LHFPL4: variants seen among roughly 807,000 people sequenced by gnomAD.
LHFPL4 encodes the protein LHFPL tetraspan subfamily member 4 protein.
A neutral mutation model predicts 20.0 loss-of-function variants in LHFPL4; 6 were observed. The observed-to-expected ratio is 0.30, with a 90% CI of 0.16 to 0.59. The LOEUF (loss-of-function observed/expected upper bound fraction) is 0.59, where lower values mean the gene tolerates loss of function less well. Ranked by LOEUF, LHFPL4 falls within the 20% of genes least tolerant of loss-of-function variation. The pLI, the probability that LHFPL4 is intolerant of heterozygous loss-of-function variation, is 0.88. For synonymous variants in LHFPL4, 129 were observed against 143.8 expected, an observed-to-expected ratio of 0.90 and a Z score of 0.74; for missense variants, 215 against 331.2, an observed-to-expected ratio of 0.65 and a Z score of 2.72.
chr3:9,532,643 T>G (rs2259100), intron 2 of LHFPL4, among the ~76,000 whole-genome samples: 81,611 of 152,116 alleles, frequency 0.54, 22,437 homozygotes, highest in African/African-American at 0.66. Flanking sequence ...CCTATGCTTA[T>G]CTTTTTAATA....
chr3:9,537,581 C>G (rs909921838), intron 2 of LHFPL4, among the ~76,000 whole-genome samples: 2 of 152,156 alleles, frequency 1.3e-5, no homozygotes, highest in African/African-American at 4.8e-5. Context: ...CCACATCCAC[C>G]TCTAGGATTT....
chr3:9,546,407 C>T (rs763888617), intron 2 of LHFPL4, among the ~76,000 whole-genome samples: 4 of 152,100 alleles, frequency 2.6e-5, no homozygotes, highest in Non-Finnish European at 5.9e-5. Context: ...CTACCTGCCT[C>T]CTCCCACCTC....
chr3:9,547,122 G>A (rs1026404327), intron 2 of LHFPL4, among the ~76,000 whole-genome samples: 9 of 152,126 alleles, frequency 5.9e-5, no homozygotes, highest in African/African-American at 2.2e-4. Context: ...CTGAGTAGCC[G>A]GGACCACAGG....
chr3:9,516,781 C>CT (rs574431292), intron 2 of LHFPL4, among the ~76,000 whole-genome samples: 16,693 of 111,726 alleles, frequency 0.15, 1,783 homozygotes, highest in East Asian at 0.36. Flanking sequence ...GCCACACAAT[C>CT]TTTTTTTTTT....
intron 2 of LHFPL4, among the ~76,000 whole-genome samples, chr3:9,542,606 A>T (rs1224769747): frequency 6.6e-6 from 1 of 152,090 alleles, no homozygotes; most frequent in Non-Finnish European, 1.5e-5. Context: ...CAAGAGTTCA[A>T]GACCAGCCTG....
intron 2 of LHFPL4, among the ~76,000 whole-genome samples, chr3:9,532,699 T>G (rs1044170350): frequency 1.3e-5 from 2 of 152,180 alleles, no homozygotes; most frequent in African/African-American, 2.4e-5. Context: ...TAGGGAGGCC[T>G]TTTTTGTGTT....
rs1242164375 is a variant in LHFPL4, at chr3:9,542,269, G to A, written c.406+10005C>T. Among the ~76,000 whole-genome samples, 4 of 152,002 alleles carry A rather than the reference G, an allele frequency of 2.6e-5. No homozygotes were observed. The East Asian group carries it at 7.8e-4, about 30-fold the overall frequency. On this transcript the variant is annotated intron_variant, in intron 2 of 3. Transcript: ENST00000287585. ...CCACTGCACTCCAGCCTGGGCACCAGAGCGAGACTCTGTCTCAAAAAGAAA... is the reference window on the plus strand; with the variant it reads ...CCACTGCACTCCAGCCTGGGCACCAAAGCGAGACTCTGTCTCAAAAAGAAA...
chr3:9,502,954 A>G (rs985501191), intron 3 of LHFPL4, among the ~76,000 whole-genome samples: 2 of 152,194 alleles, frequency 1.3e-5, no homozygotes, highest in South Asian at 4.1e-4. Context: ...GAAGCAATTT[A>G]TTTATCTATT....
In LHFPL4 at chr3:9,498,906, G is replaced by A. The variant is rs1474786248; in HGVS notation, c.*3305C>T. 6.6e-6 allele frequency: 1 copy of A among 152,584 alleles called. No individual in the cohort carries two copies. Among genetic ancestry groups the A allele is most frequent in the Admixed American group, 6.5e-5 (1 of 15,276 alleles). The allele number at this position is 152,584 out of a possible 1,614,324, so 9.5% of individuals were successfully genotyped here. A position where few individuals can be genotyped will look rare whatever the true frequency, so the allele number is the denominator to read the frequency against. On this transcript the variant is annotated 3_prime_UTR_variant, in exon 4 of 4. Coordinates refer to ENST00000287585, the MANE Select transcript of LHFPL4 (RefSeq NM_198560.3). ...GGAAAGTTTTCCTTCATGGGTACCGGTCCCCAAAGACGAAAGTTTTCATAG... is the reference window on the plus strand; with the variant it reads ...GGAAAGTTTTCCTTCATGGGTACCGATCCCCAAAGACGAAAGTTTTCATAG...
intron 2 of LHFPL4, among the ~76,000 whole-genome samples, chr3:9,526,710 A>G (rs944161382): frequency 2.6e-5 from 4 of 152,220 alleles, no homozygotes; most frequent in African/African-American, 4.8e-5. Flanking sequence ...TCTAAGTCCA[A>G]TCACTGGTGT....
At chr3:9,545,887 C>T (rs985942282) in intron 2 of LHFPL4, among the ~76,000 whole-genome samples, 32 of 149,356 alleles carry the variant, frequency 2.1e-4, no homozygotes, top group African/African-American at 7.9e-4. Context: ...CCAGCCTGGA[C>T]AACAGAGCCA....
chr3:9,549,009 A>G (rs1201478083), intron 2 of LHFPL4, among the ~76,000 whole-genome samples: 1 of 152,226 alleles, frequency 6.6e-6, no homozygotes, highest in Non-Finnish European at 1.5e-5. Context: ...CAGATTCTTC[A>G]TGGCGTGATT....
intron 2 of LHFPL4, among the ~76,000 whole-genome samples, chr3:9,513,540 C>G (rs2125657543): frequency 6.6e-6 from 1 of 152,188 alleles, no homozygotes; most frequent in Admixed American, 6.6e-5. Context: ...GCTATGTTGC[C>G]CAGGCTGGTC....
chr3:9,538,655 A>T (rs887365941), intron 2 of LHFPL4, among the ~76,000 whole-genome samples: 1 of 151,830 alleles, frequency 6.6e-6, no homozygotes, highest in Non-Finnish European at 1.5e-5. Flanking sequence ...TCCTGAGAGC[A>T]CTTAGTTGGT....
rs558003242 is a variant in LHFPL4, at chr3:9,548,602, G to T, written c.406+3672C>A. Among the ~76,000 whole-genome samples the T allele has an allele frequency of 8.5e-5, 13 of 152,294 alleles. No individual in the cohort carries two copies. The South Asian group carries it at 2.5e-3, about 29-fold the overall frequency. ...CCCTCTGCTGCTCCGGGTTTCCATGGCATTTCCAGCCCGCACATATTAGTG... is the reference window on the plus strand; with the variant it reads ...CCCTCTGCTGCTCCGGGTTTCCATGTCATTTCCAGCCCGCACATATTAGTG... On this transcript the variant is annotated intron_variant, in intron 2 of 3. Transcript: ENST00000287585.
intron 2 of LHFPL4, among the ~76,000 whole-genome samples, chr3:9,508,230 G>A (rs998167822): frequency 2.0e-5 from 3 of 152,006 alleles, no homozygotes; most frequent in African/African-American, 2.4e-5. Context: ...CCTTCTCATC[G>A]TGGCACTGCC....
rs544269374 is a variant in LHFPL4 at position 9,524,542 on chromosome 3, C to T, written c.407-18339G>A. ...AGCCATGGCCAGTCTACTAAAAGCC[C>T]GTCAAAGGCATTCTTCCTTTCTGTT... On this transcript the variant is annotated intron_variant, in intron 2 of 3. Transcript: ENST00000287585. 5.4e-4 allele frequency among the ~76,000 whole-genome samples: 82 copies of T among 152,238 alleles called. 1 individual carries two copies. Among genetic ancestry groups the T allele is most frequent in the Middle Eastern group, 6.8e-3 (2 of 294 alleles).
intron 2 of LHFPL4, among the ~76,000 whole-genome samples, chr3:9,515,466 C>T (rs1023554342): frequency 2.6e-5 from 4 of 151,968 alleles, no homozygotes; most frequent in Non-Finnish European, 5.9e-5. Context: ...CTCTGCCTTT[C>T]GGGTTCAAGC....
rs374598826 is a variant in LHFPL4 at position 9,499,848 on chromosome 3, G to A, written c.*2363C>T. 1.4e-5 allele frequency: 2 copies of A among 147,964 alleles called. No homozygotes were observed. The highest frequency in any genetic ancestry group is 2.0e-4 in the East Asian group (1 of 4,894). 9.2% of individuals were successfully genotyped at this position (147,964 alleles called of 1,614,324 possible). On this transcript the variant is annotated 3_prime_UTR_variant, in exon 4 of 4. Transcript: ENST00000287585. Reference sequence around the variant, plus strand: ...ATAGCAACCCCCTCCCCACTGCCCCGCATCCTGGCTCCTTCATCCTCCTCT... The same window carrying A: ...ATAGCAACCCCCTCCCCACTGCCCCACATCCTGGCTCCTTCATCCTCCTCT...
Sources: allele counts gnomAD v4.1 joint callset (sites outside exome capture counted in the v4.1 genomes callset), GRCh38; gene constraint gnomAD v4.1.1; transcripts MANE v1.5; gene names NCBI Gene and HGNC (gene_info 2026-07-23, HGNC 2026-07-21).